Variants in ROBO2 observed in about 807,000 individuals in gnomAD.
ROBO2 encodes the protein roundabout guidance receptor 2.
ROBO2 carries 53 observed loss-of-function variants against 160.8 expected under a neutral mutation model. The observed-to-expected ratio is 0.33, with a 90% CI of 0.26 to 0.41. The LOEUF (loss-of-function observed/expected upper bound fraction) is 0.41. ROBO2 is among the 10% of genes least tolerant of loss of function. The probability of loss-of-function intolerance (pLI) is 1.00; values close to 1 mark genes in which losing one functional copy is unlikely to be tolerated. For missense variants in ROBO2, 1,577 were observed against 1,722.4 expected (o/e 0.92, Z 1.49); for synonymous variants, 664 against 611.7 (o/e 1.09, Z -1.26).
chr3:77,574,610 C>A (rs1005812838), exon 14 of ROBO2: 1 of 1,613,278 alleles, frequency 6.2e-7, no homozygotes, highest in Non-Finnish European at 8.5e-7. Flanking sequence ...CCCGACTGAA[C>A]GAAGTGCTGT....
chr3:76,109,066 T>C (rs1437018842), intron 2 of ROBO2, among the ~76,000 whole-genome samples: 1 of 151,990 alleles, frequency 6.6e-6, no homozygotes, highest in Non-Finnish European at 1.5e-5. Context: ...TCATTAATAA[T>C]GCTGCTACTG....
At chr3:77,334,094 C>T (rs1355178114) in intron 2 of ROBO2, among the ~76,000 whole-genome samples, 3 of 152,130 alleles carry the variant, frequency 2.0e-5, no homozygotes, top group African/African-American at 7.2e-5. Flanking sequence ...TCTCCTAATG[C>T]CTAAATGAAC....
chr3:77,273,518 A>C (rs2059635604), intron 2 of ROBO2, among the ~76,000 whole-genome samples: 1 of 152,186 alleles, frequency 6.6e-6, no homozygotes, highest in Non-Finnish European at 1.5e-5. Flanking sequence ...ACTGAAGTGT[A>C]GATGATGTAT....
intron 1 of ROBO2, among the ~76,000 whole-genome samples, chr3:75,911,116 AT>A (rs1946562200): frequency 6.6e-6 from 1 of 152,144 alleles, no homozygotes; most frequent in African/African-American, 2.4e-5. Context: ...TATATTTTGA[AT>A]TTCAAAATTT....
intron 2 of ROBO2, among the ~76,000 whole-genome samples, chr3:76,297,072 C>A (rs1203461329): frequency 6.6e-6 from 1 of 152,194 alleles, no homozygotes; most frequent in Admixed American, 6.5e-5. Flanking sequence ...GGGTGTATTT[C>A]TTCCTACTCT....
intron 1 of ROBO2, among the ~76,000 whole-genome samples, chr3:77,093,946 C>G (rs1393316478): frequency 6.6e-6 from 1 of 152,172 alleles, no homozygotes; most frequent in African/African-American, 2.4e-5. Flanking sequence ...AACTTGTTCA[C>G]AGTGCTCTTT....
intron 2 of ROBO2, among the ~76,000 whole-genome samples, chr3:76,504,426 C>A (rs760764508): frequency 6.6e-6 from 1 of 150,940 alleles, no homozygotes; most frequent in Non-Finnish European, 1.5e-5. Flanking sequence ...TTGAGAGGGA[C>A]AGTTCTAGTA....
intron 2 of ROBO2, among the ~76,000 whole-genome samples, chr3:76,249,451 C>CCAA (rs200177358): frequency 0.04 from 6,147 of 151,930 alleles, 344 homozygotes; most frequent in African/African-American, 0.12. Context: ...AACTATTTAC[C>CCAA]CAGGTGAGCC....
intron 2 of ROBO2, among the ~76,000 whole-genome samples, chr3:76,124,414 A>G (rs1331169677): frequency 6.6e-6 from 1 of 152,084 alleles, no homozygotes; most frequent in East Asian, 1.9e-4. Flanking sequence ...AACAATTGTT[A>G]TGGTGAGATT....
At chr3:76,679,531 A>G (rs1052600136) in intron 2 of ROBO2, among the ~76,000 whole-genome samples, 14 of 152,140 alleles carry the variant, frequency 9.2e-5, no homozygotes, top group Non-Finnish European at 1.6e-4. Context: ...CTGCTAAACA[A>G]TTCAGCGCTA....
At chr3:77,509,486 C>G (rs2089081314) in intron 5 of ROBO2, among the ~76,000 whole-genome samples, 1 of 151,848 alleles carries the variant, frequency 6.6e-6, no homozygotes, top group African/African-American at 2.4e-5. Flanking sequence ...GCTCCTGGGT[C>G]CTGTGAAAAA....
chr3:76,681,739 C>A (rs184183933), intron 2 of ROBO2, among the ~76,000 whole-genome samples: 1 of 152,026 alleles, frequency 6.6e-6, no homozygotes, highest in Non-Finnish European at 1.5e-5. Flanking sequence ...CATGAGCTTG[C>A]GAGTGAGAGG....
intron 2 of ROBO2, among the ~76,000 whole-genome samples, chr3:77,181,647 A>G (rs2080793996): frequency 6.6e-6 from 1 of 152,122 alleles, no homozygotes; most frequent in South Asian, 2.1e-4. Flanking sequence ...ATTTAACCAA[A>G]TAAAATGTTT....
chr3:76,374,152 C>T (rs76090978), intron 2 of ROBO2, among the ~76,000 whole-genome samples: 6,820 of 151,928 alleles, frequency 0.045, 391 homozygotes, highest in African/African-American at 0.13. Context: ...ATGGAAAAAA[C>T]GAGTCCCCCC....
intron 2 of ROBO2, among the ~76,000 whole-genome samples, chr3:77,357,456 G>A (rs932320582): frequency 2.6e-5 from 4 of 152,068 alleles, no homozygotes; most frequent in African/African-American, 4.8e-5. Context: ...CACAACAGAC[G>A]CAGCCCTTCT....
chr3:77,645,253 T>C (rs191465007), intron 25 of ROBO2, among the ~76,000 whole-genome samples: 2 of 152,306 alleles, frequency 1.3e-5, no homozygotes, highest in African/African-American at 2.4e-5. Context: ...GGCCTTTTGG[T>C]AGTTTTAAAG....
intron 5 of ROBO2, among the ~76,000 whole-genome samples, chr3:77,511,947 G>T (rs980461160): frequency 6.6e-6 from 1 of 151,664 alleles, no homozygotes; most frequent in East Asian, 1.9e-4. Flanking sequence ...CTTCTCTAAG[G>T]TGCCCTGCCC....
chr3:77,514,511 A>T (rs1013966256), intron 5 of ROBO2, among the ~76,000 whole-genome samples: 1 of 151,914 alleles, frequency 6.6e-6, no homozygotes, highest in African/African-American at 2.4e-5. Context: ...TGTTTGTTAG[A>T]AAAATAAATG....
chr3:77,172,010 A>G (rs895578975), intron 2 of ROBO2, among the ~76,000 whole-genome samples: 3 of 152,214 alleles, frequency 2.0e-5, no homozygotes, highest in African/African-American at 7.2e-5. Flanking sequence ...GTTTAGGCTA[A>G]TCACCTCTTA....
Sources: gnomAD v4.1 joint callset for allele counts (sites outside exome capture counted in the v4.1 genomes callset) on GRCh38, gnomAD v4.1.1 for gene constraint, MANE v1.5 for transcripts, NCBI Gene and HGNC (gene_info 2026-07-23, HGNC 2026-07-21) for gene names.